The following TENM3 variants were observed in gnomAD, a reference collection of about 807,000 sequenced individuals.
TENM3 encodes teneurin-3.
Under a neutral mutation model 255.1 loss-of-function variants are expected in TENM3, and 63 were observed. That is an observed-to-expected ratio of 0.25 (90% confidence interval 0.20 to 0.30). TENM3 has a LOEUF of 0.30. TENM3 is among the 10% of genes least tolerant of loss of function. The pLI is 1.00. For missense variants in TENM3, 2,929 were observed against 3,461.1 expected (o/e 0.85, Z 3.86); for synonymous variants, 1,306 against 1,322.3 (o/e 0.99, Z 0.27).
chr4:182,429,844 T>G (rs1361944643), intron 3 of TENM3, among the ~76,000 whole-genome samples: 1 of 152,240 alleles, frequency 6.6e-6, no homozygotes, highest in Non-Finnish European at 1.5e-5. Context: ...ATCTTACTAG[T>G]TCAGCACTGT....
At position 182,679,757 on chromosome 4, in the gene TENM3, G is replaced by A. The variant is rs1410327179; in HGVS notation, c.1418G>A (p.Arg473Lys). 1 of 1,613,950 alleles carries A rather than the reference G, an allele frequency of 6.2e-7. No individual in the cohort carries two copies. The highest frequency in any genetic ancestry group is 8.5e-7 in the Non-Finnish European group (1 of 1,179,906). The part of the protein sequence containing the change: ...LETERAGRQA[R>K]SVSLHEAGFI... ...ACGGAGAGAGCCGGGCGGCAGGCGA[G>A]ATCCGTCAGCCTTCATGAGGCCGGC... The change falls in exon 8 of 28, where the codon AGA (arginine) becomes AAA (lysine). Residue 473 changes from arginine (R) to lysine (K), a missense_variant. Arg to Lys is a conservative substitution (Grantham distance 26). Transcript: ENST00000511685.
chr4:181,861,277 C>T, the TENM3 span, among the ~76,000 whole-genome samples: 8 of 152,240 alleles, frequency 5.3e-5, no homozygotes, highest in South Asian at 2.1e-4. Context: ...CTTTATGTCA[C>T]GAAGTCAATT....
In TENM3 at chr4:182,474,312, C is replaced by T. The variant is rs542686987; in HGVS notation, c.512-126612C>T. Among the ~76,000 whole-genome samples the T allele has an allele frequency of 3.9e-5, 6 of 152,256 alleles. No individual in the cohort carries two copies. In the South Asian group the frequency reaches 1.2e-3, roughly 32 times the overall value. ...GATTATTAATGCACTTGAAAATATT[C>T]TTATTTGTAGGCATCAGCATTTGCT... On this transcript the variant is annotated intron_variant, in intron 3 of 27. Transcript: ENST00000511685.
At chr4:182,284,769 A>G (rs1220154442) in intron 1 of TENM3, among the ~76,000 whole-genome samples, 1 of 152,218 alleles carries the variant, frequency 6.6e-6, no homozygotes, top group Admixed American at 6.5e-5. Flanking sequence ...GAGATTGTGA[A>G]TTATTCAGAA....
At chr4:182,226,869 G>C (rs1280500050) in intron 1 of TENM3, among the ~76,000 whole-genome samples, 1 of 152,156 alleles carries the variant, frequency 6.6e-6, no homozygotes, top group Non-Finnish European at 1.5e-5. Flanking sequence ...GAAATACTGA[G>C]ATATTCACCT....
chr4:181,902,555 A>T, the TENM3 span, among the ~76,000 whole-genome samples: 4 of 152,212 alleles, frequency 2.6e-5, no homozygotes, highest in African/African-American at 9.6e-5. Flanking sequence ...GGATAAAGAA[A>T]ATGTGGCACA....
intron 3 of TENM3, among the ~76,000 whole-genome samples, chr4:182,511,348 T>C (rs1177801285): frequency 6.6e-6 from 1 of 152,198 alleles, no homozygotes; most frequent in African/African-American, 2.4e-5. Flanking sequence ...ATGCTGAACA[T>C]GTAATTAGAT....
intron 3 of TENM3, among the ~76,000 whole-genome samples, chr4:182,388,564 C>G (rs953829419): frequency 2.0e-5 from 3 of 152,138 alleles, no homozygotes; most frequent in Non-Finnish European, 2.9e-5. Flanking sequence ...AGCAACTTTT[C>G]CTTGTTCTCT....
the TENM3 span, among the ~76,000 whole-genome samples, chr4:181,618,924 G>A: frequency 3.3e-5 from 5 of 152,168 alleles, no homozygotes; most frequent in African/African-American, 1.2e-4. Flanking sequence ...GCTGTGATGG[G>A]TGCTTCCACT....
the TENM3 span, among the ~76,000 whole-genome samples, chr4:181,599,368 G>GGACACTGTAACGTCGA: frequency 1.3e-5 from 2 of 152,140 alleles, no homozygotes; most frequent in East Asian, 3.9e-4. Context: ...AGCAACAGCA[G>GGACACTGTAACGTCGA]GACACTGTAA....
At chr4:181,721,412 C>T in the TENM3 span, among the ~76,000 whole-genome samples, 3 of 146,086 alleles carry the variant, frequency 2.1e-5, no homozygotes, top group Non-Finnish European at 3.0e-5. Context: ...CTGGCTAACA[C>T]GGTGAAACCC....
intron 12 of TENM3, among the ~76,000 whole-genome samples, chr4:182,689,798 T>C (rs112822993): frequency 9.8e-5 from 15 of 152,328 alleles, no homozygotes; most frequent in African/African-American, 3.6e-4. Context: ...CAGGACAGCT[T>C]TGAATGAGGC....
the TENM3 span, among the ~76,000 whole-genome samples, chr4:181,822,579 C>T: frequency 6.6e-6 from 1 of 152,132 alleles, no homozygotes; most frequent in Non-Finnish European, 1.5e-5. Flanking sequence ...ATTCATTCTC[C>T]ATATTGTTCA....
the TENM3 span, among the ~76,000 whole-genome samples, chr4:182,031,253 G>T: frequency 6.6e-6 from 1 of 152,122 alleles, no homozygotes; most frequent in Non-Finnish European, 1.5e-5. Context: ...AAGGGGTCCA[G>T]TATTGATTTT....
the TENM3 span, among the ~76,000 whole-genome samples, chr4:181,902,637 C>T: frequency 6.6e-6 from 1 of 152,174 alleles, no homozygotes; most frequent in South Asian, 2.1e-4. Context: ...ATGGATGAAG[C>T]TGGAAGCCAT....
At chr4:182,451,688 A>G (rs1379633273) in intron 3 of TENM3, among the ~76,000 whole-genome samples, 1 of 152,162 alleles carries the variant, frequency 6.6e-6, no homozygotes, top group African/African-American at 2.4e-5. Context: ...ACAGAAAATG[A>G]CCCAAATTAA....
At chr4:182,055,145 G>A in the TENM3 span, among the ~76,000 whole-genome samples, 14 of 152,164 alleles carry the variant, frequency 9.2e-5, no homozygotes, top group Non-Finnish European at 1.5e-4. Context: ...CCAGGAGTTC[G>A]AGTCCAGTTT....
the TENM3 span, among the ~76,000 whole-genome samples, chr4:182,099,824 G>T: frequency 6.6e-6 from 1 of 152,158 alleles, no homozygotes; most frequent in Non-Finnish European, 1.5e-5. Flanking sequence ...GTAATCAGAA[G>T]TTCTAAGGCG....
Position 182,731,241 on chromosome 4 carries a change from C to A in TENM3, c.2967+102C>A. The A allele has an allele frequency of 2.4e-6, 3 of 1,228,570 alleles. No homozygotes were observed. In the Admixed American group the frequency reaches 6.3e-5, roughly 26 times the overall value. 76.1% of individuals were successfully genotyped at this position (1,228,570 alleles called of 1,614,324 possible). Reference sequence around the variant, plus strand: ...GTTATAGAGTCCGGGCACGGTGGCTCACTCCTGTAATCCCAGCGCTTTGGG... The same window carrying A: ...GTTATAGAGTCCGGGCACGGTGGCTAACTCCTGTAATCCCAGCGCTTTGGG... On this transcript the variant is annotated intron_variant, in intron 16 of 27. Coordinates refer to ENST00000511685, the MANE Select transcript of TENM3 (RefSeq NM_001080477.4).
Sources: gnomAD v4.1 joint callset for allele counts (sites outside exome capture counted in the v4.1 genomes callset) on GRCh38, gnomAD v4.1.1 for gene constraint, MANE v1.5 for transcripts, NCBI Gene and HGNC (gene_info 2026-07-23, HGNC 2026-07-21) for gene names.